The following SLC6A15 variants were observed in gnomAD, a reference collection of about 807,000 sequenced individuals.
SLC6A15 encodes solute carrier family 6 member 15.
SLC6A15 carries 33 observed loss-of-function variants against 68.5 expected under a neutral mutation model. The observed-to-expected ratio is 0.48, with a 90% CI of 0.37 to 0.64. The LOEUF (loss-of-function observed/expected upper bound fraction) is 0.64, where lower values mean the gene tolerates loss of function less well. Among genes scored for constraint, SLC6A15 ranks in the 30% least tolerant of loss-of-function variants. The pLI, the probability that SLC6A15 is intolerant of heterozygous loss-of-function variation, is 0.00. For missense variants in SLC6A15, 747 were observed against 874.3 expected, an observed-to-expected ratio of 0.85 and a Z score of 1.84; for synonymous variants, 347 against 301.0, an observed-to-expected ratio of 1.15 and a Z score of -1.58.
At chr12:84,894,634 A>G (rs1477868854) in intron 1 of SLC6A15, among the ~76,000 whole-genome samples, 1 of 152,110 alleles carries the variant, frequency 6.6e-6, no homozygotes, top group Non-Finnish European at 1.5e-5. Flanking sequence ...ATACATTTAT[A>G]TTCTTTGGAC....
chr12:84,866,729 G>C (rs1327903476), intron 10 of SLC6A15, among the ~76,000 whole-genome samples: 2 of 152,110 alleles, frequency 1.3e-5, no homozygotes, highest in African/African-American at 4.8e-5. Flanking sequence ...GAACTCAAAA[G>C]AAACTAAGGT....
intron 4 of SLC6A15, among the ~76,000 whole-genome samples, chr12:84,885,070 A>C (rs1689159526): frequency 6.6e-6 from 1 of 152,028 alleles, no homozygotes; most frequent in African/African-American, 2.4e-5. Context: ...CAAAGACATA[A>C]AAGCAACTAT....
At chr12:84,897,963 A>T (rs1302260679) in intron 1 of SLC6A15, among the ~76,000 whole-genome samples, 1 of 152,226 alleles carries the variant, frequency 6.6e-6, no homozygotes, top group Non-Finnish European at 1.5e-5. Context: ...TACCAAAAAA[A>T]ATCAAAAATT....
chr12:84,870,886 T>G (rs1363500962), intron 8 of SLC6A15, among the ~76,000 whole-genome samples: 2 of 152,174 alleles, frequency 1.3e-5, no homozygotes, highest in Non-Finnish European at 2.9e-5. Context: ...AAATTTTGCC[T>G]ATAATTAATA....
chr12:84,886,090 A>C, intron 2 of SLC6A15, 22 bp from the exon 3 acceptor site: 1 of 1,507,796 alleles, frequency 6.6e-7, no homozygotes, highest in Non-Finnish European at 9.1e-7. Flanking sequence ...ACAACAAAAA[A>C]TAGATTATAT....
Position 84,892,235 on chromosome 12 carries a change from T to C in SLC6A15, c.-115A>G, listed in dbSNP as rs911502270. Reference sequence around the variant, plus strand: ...TAGGAAGTAAAGACCGAGGATGATATCAAATAAATCCTTGATTCAAGGTGA... The same window carrying C: ...TAGGAAGTAAAGACCGAGGATGATACCAAATAAATCCTTGATTCAAGGTGA... On this transcript the variant is annotated 5_prime_UTR_variant, in exon 2 of 12. Transcript: ENST00000266682. The C allele has an allele frequency of 2.1e-6, 2 of 965,034 alleles. No individual in the cohort carries two copies. The highest frequency in any genetic ancestry group is 3.0e-6 in the Non-Finnish European group (2 of 665,772). The allele number at this position is 965,034 out of a possible 1,614,324, so 59.8% of individuals were successfully genotyped here. A position where few individuals can be genotyped will look rare whatever the true frequency, so the allele number is the denominator to read the frequency against.
intron 1 of SLC6A15, among the ~76,000 whole-genome samples, chr12:84,903,024 T>G (rs567355210): frequency 6.6e-6 from 1 of 152,268 alleles, no homozygotes; most frequent in African/African-American, 2.4e-5. Flanking sequence ...TGCTGGTTTT[T>G]ATATAGTACC....
At chr12:84,898,236 T>C (rs547137483) in intron 1 of SLC6A15, among the ~76,000 whole-genome samples, 154 of 152,198 alleles carry the variant, frequency 1.0e-3, no homozygotes, top group African/African-American at 3.5e-3. Context: ...AGCTACTTGG[T>C]TGGCTGAGGC....
intron 8 of SLC6A15, 74 bp downstream of exon 8, chr12:84,872,528 G>A (rs149921245): frequency 1.5e-5 from 19 of 1,279,802 alleles, no homozygotes; most frequent in Middle Eastern, 2.7e-4. Flanking sequence ...CCCTTTTCCT[G>A]AAGGGAGTCT....
rs1412239437 is a variant in SLC6A15 at position 84,880,895 on chromosome 12, C to A, written c.756+2964G>T. 11 of 978,824 alleles carry A rather than the reference C, an allele frequency of 1.1e-5. No homozygotes were observed. In the Admixed American group the frequency reaches 5.5e-4, roughly 49 times the overall value. The allele number at this position is 978,824 out of a possible 1,614,324, so 60.6% of individuals were successfully genotyped here. A position where few individuals can be genotyped will look rare whatever the true frequency, so the allele number is the denominator to read the frequency against. On this transcript the variant is annotated intron_variant, in intron 5 of 11. Coordinates refer to ENST00000266682, the MANE Select transcript of SLC6A15 (RefSeq NM_182767.6). ...TTATAAACATACCTTCAGAATGTAT[C>A]ATTCTTTTTGAAAATTCTGTAGCCC...
At chr12:84,892,456 C>T (rs991224188) in intron 1 of SLC6A15, 148 bp from the exon 2 acceptor site, 2 of 176,712 alleles carry the variant, frequency 1.1e-5, no homozygotes, top group Admixed American at 6.2e-5. Context: ...TTAATATTCC[C>T]GTAAGTATAA....
chr12:84,874,446 G>A (rs1032468885), intron 6 of SLC6A15: 1 of 152,120 alleles, frequency 6.6e-6, no homozygotes, highest in Non-Finnish European at 1.5e-5. Context: ...CGAAGTTGTT[G>A]CCACTATTAA....
At chr12:84,908,428 G>A (rs1005861046) in intron 1 of SLC6A15, among the ~76,000 whole-genome samples, 7 of 151,620 alleles carry the variant, frequency 4.6e-5, no homozygotes, top group East Asian at 1.9e-4. Context: ...TCAGGGGGTC[G>A]TCAAAATACT....
At position 84,867,082 on chromosome 12, in the gene SLC6A15, A is replaced by G; in HGVS notation, c.1607T>C (p.Val536Ala). ...DYSATLPLLI[V>A]VILENIAVCF... ...TACAGCAATATTCTCCAAAATGACTACAATTAGCAGAGGCAGTGTAGCAGA... is the reference window on the plus strand; with the variant it reads ...TACAGCAATATTCTCCAAAATGACTGCAATTAGCAGAGGCAGTGTAGCAGA... Residue 536 changes from valine to alanine, a missense_variant, in exon 10 of 12, where the codon GTA becomes GCA. Transcript: ENST00000266682. The G allele has an allele frequency of 6.2e-7, 1 of 1,611,490 alleles. No homozygotes were observed. The highest frequency in any genetic ancestry group is 8.5e-7 in the Non-Finnish European group (1 of 1,178,796).
chr12:84,863,678 GTCTGAC>G, intron 10 of SLC6A15, 77 bp from the exon 11 acceptor site: 1 of 1,065,136 alleles, frequency 9.4e-7, no homozygotes. Context: ...TATATTAATG[GTCTGAC>G]AAACATTTAC....
intron 5 of SLC6A15, among the ~76,000 whole-genome samples, chr12:84,879,336 T>G (rs1352011376): frequency 6.6e-6 from 1 of 151,758 alleles, no homozygotes; most frequent in Non-Finnish European, 1.5e-5. Flanking sequence ...ACACTTTCTT[T>G]TTTTTTGGAG....
At chr12:84,885,682 G>C (rs1404209237) in intron 3 of SLC6A15, 121 bp from the exon 4 acceptor site, 8 of 1,162,026 alleles carry the variant, frequency 6.9e-6, no homozygotes, top group African/African-American at 4.7e-5. Flanking sequence ...ATTTATTTGG[G>C]ACACATTATC....
chr12:84,880,103 A>T (rs1871751975), intron 5 of SLC6A15, among the ~76,000 whole-genome samples: 1 of 152,238 alleles, frequency 6.6e-6, no homozygotes, highest in Admixed American at 6.5e-5. Flanking sequence ...AAGTTACAAG[A>T]ACATTTCAAG....
In SLC6A15 at chr12:84,884,055, G is replaced by T. The variant is rs769192022; in HGVS notation, c.575-15C>A. Reference sequence around the variant, plus strand: ...TGGTTCTACAACTGTAGAAAGAAAAGTAACACACAATTATTTCAGAATATA... The same window carrying T: ...TGGTTCTACAACTGTAGAAAGAAAATTAACACACAATTATTTCAGAATATA... On this transcript the variant is annotated splice_polypyrimidine_tract_variant and intron_variant, in intron 4 of 11. Transcript: ENST00000266682. The T allele has an allele frequency of 1.3e-5, 20 of 1,592,706 alleles. No homozygotes were observed. Among genetic ancestry groups the T allele is most frequent in the Non-Finnish European group, 1.4e-5 (16 of 1,162,316 alleles).
Sources: allele counts gnomAD v4.1 joint callset (sites outside exome capture counted in the v4.1 genomes callset), GRCh38; gene constraint gnomAD v4.1.1; transcripts MANE v1.5; gene names NCBI Gene and HGNC (gene_info 2026-07-23, HGNC 2026-07-21).